Variants in CLEC7A observed in about 807,000 individuals in gnomAD.
CLEC7A encodes the protein C-type lectin domain family 7 member A.
A neutral mutation model predicts 26.9 loss-of-function variants in CLEC7A; 25 were observed. The observed-to-expected ratio is 0.93, with a 90% CI of 0.68 to 1.30. The LOEUF is 1.30. Among genes scored for constraint, CLEC7A ranks in the 50% most tolerant of loss-of-function variants. The pLI is 0.00. For synonymous variants in CLEC7A, 100 were observed against 99.5 expected (o/e 1.01, Z -0.03); for missense variants, 275 against 286.7 (o/e 0.96, Z 0.29).
rs1947966558 is a variant in CLEC7A, at chr12:10,118,168, G to A, written c.*290C>T. On this transcript the variant is annotated 3_prime_UTR_variant, in exon 6 of 6. Transcript: ENST00000304084. ...TGCACTCCAGCCTGGGTAACAAAGT[G>A]AGACCCTATCTCAAAAAAATAAATA... The A allele has an allele frequency of 3.4e-6, 1 of 293,890 alleles. No homozygotes were observed. Among genetic ancestry groups the A allele is most frequent in the Non-Finnish European group, 6.3e-6 (1 of 157,868 alleles). 18.2% of individuals were successfully genotyped at this position (293,890 alleles called of 1,614,324 possible). A position where few individuals can be genotyped will look rare whatever the true frequency, so the allele number is the denominator to read the frequency against.
At chr12:10,120,465 A>C (rs1049993711) in intron 5 of CLEC7A, among the ~76,000 whole-genome samples, 3 of 152,242 alleles carry the variant, frequency 2.0e-5, no homozygotes, top group African/African-American at 7.2e-5. Flanking sequence ...TCTTAAGAAA[A>C]AATACCTGTA....
chr12:10,120,824 G>A (rs1314533963), intron 5 of CLEC7A, among the ~76,000 whole-genome samples: 3 of 149,040 alleles, frequency 2.0e-5, no homozygotes, highest in Admixed American at 6.7e-5. Flanking sequence ...GTGCGATCTC[G>A]GCTCACTGCA....
intron 5 of CLEC7A, among the ~76,000 whole-genome samples, chr12:10,120,114 T>C (rs1477997247): frequency 1.3e-5 from 2 of 151,982 alleles, no homozygotes; most frequent in African/African-American, 4.8e-5. Context: ...CCGGAAGATA[T>C]GTGAAAGGTT....
rs1022721009 is a variant in CLEC7A, at chr12:10,117,227, T to C, written c.*1231A>G. 6.6e-6 allele frequency: 1 copy of C among 152,142 alleles called. No homozygotes were observed. The highest frequency in any genetic ancestry group is 1.5e-5 in the Non-Finnish European group (1 of 68,026). The allele number at this position is 152,142 out of a possible 1,614,324, so 9.4% of individuals were successfully genotyped here. On this transcript the variant is annotated 3_prime_UTR_variant, in exon 6 of 6. Transcript: ENST00000304084. ...CCTATGAGAGCAGTTTCCCTACAAT[T>C]ACATATTATACAAGATTCTAGGCTG... is the stretch of plus-strand genomic sequence containing the variant.
intron 2 of CLEC7A, 200 bp downstream of exon 2, chr12:10,127,547 T>A: frequency 8.3e-7 from 1 of 1,210,310 alleles, no homozygotes; most frequent in Non-Finnish European, 1.2e-6. Flanking sequence ...CTTATAACCC[T>A]GGAAAGGTAA....
chr12:10,129,711 A>G (rs1313625773), intron 1 of CLEC7A, among the ~76,000 whole-genome samples: 1 of 151,980 alleles, frequency 6.6e-6, no homozygotes, highest in African/African-American at 2.4e-5. Context: ...TCCACCTCCC[A>G]GGTTCAAGTG....
intron 2 of CLEC7A, chr12:10,127,415 C>G (rs957406005): frequency 9.9e-6 from 16 of 1,612,038 alleles, no homozygotes; most frequent in Admixed American, 1.7e-5. Flanking sequence ...ATTAATTTAT[C>G]CTTTGAATTC....
At chr12:10,127,212 C>G in intron 2 of CLEC7A, 1 of 1,200,852 alleles carries the variant, frequency 8.3e-7, no homozygotes, top group African/African-American at 1.5e-5. Context: ...TAATCCATTA[C>G]AAAATATCGA....
intron 2 of CLEC7A, chr12:10,127,372 G>A (rs1444494625): frequency 1.9e-6 from 3 of 1,605,418 alleles, no homozygotes; most frequent in South Asian, 2.2e-5. Flanking sequence ...GCACCATATT[G>A]TACTTTCTTC....
intron 5 of CLEC7A, among the ~76,000 whole-genome samples, chr12:10,120,840 C>T (rs1000246367): frequency 1.3e-5 from 2 of 150,276 alleles, no homozygotes; most frequent in Middle Eastern, 3.4e-3. Context: ...CTGCAACCTC[C>T]GTCTCCCGGG....
Position 10,126,628 on chromosome 12 carries a change from G to A in CLEC7A, c.283C>T (p.Pro95Ser), listed in dbSNP as rs201480066. Residue 95 changes from proline (P) to serine (S), a missense_variant, in exon 3 of 6, where the codon CCC becomes TCC. Transcript: ENST00000304084. The stretch of plus-strand genomic sequence containing the variant: ...CTGTCTTCTAAAGATGATTGTGTGG[G>A]TTGACTGTGGTTCTCTTTATTTCTT... The part of the protein sequence containing the change: ...LSRNKENHSQ[P>S]TQSSLEDSVT... 1.9e-6 allele frequency: 3 copies of A among 1,612,754 alleles called. No homozygotes were observed. Among genetic ancestry groups the A allele is most frequent in the Admixed American group, 1.7e-5 (1 of 59,748 alleles).
chr12:10,125,068 G>A, intron 4 of CLEC7A: 1 of 573,840 alleles, frequency 1.7e-6, no homozygotes, highest in Non-Finnish European at 3.1e-6. Flanking sequence ...GAGTGTGGTG[G>A]TGCACCCTGT....
In CLEC7A at chr12:10,125,420, A is replaced by T; in HGVS notation, c.369T>A (p.Asn123Lys). 1 of 1,612,982 alleles carries T rather than the reference A, an allele frequency of 6.2e-7. No homozygotes were observed. The highest frequency in any genetic ancestry group is 8.5e-7 in the Non-Finnish European group (1 of 1,179,812). Residue 123 changes from asparagine to lysine, a missense_variant, in exon 4 of 6, where the codon AAT (asparagine) becomes AAA (lysine). Coordinates refer to ENST00000304084, the MANE Select transcript of CLEC7A (RefSeq NM_197947.3). The stretch of plus-strand genomic sequence containing the variant: ...AACAGCTCTTCTCATATATAATCCA[A>T]TTAGGAGGACAAGGGCTGGAAAGAA... Reference protein sequence around the residue: ...TGVLSSPCPPNWIIYEKSCYL... With the variant: ...TGVLSSPCPPKWIIYEKSCYL...
chr12:10,119,062 C>A (rs1947997475), intron 5 of CLEC7A, among the ~76,000 whole-genome samples: 1 of 152,098 alleles, frequency 6.6e-6, no homozygotes. Flanking sequence ...GCAGGGCAAA[C>A]AACTCTGTAT....
chr12:10,121,164 G>C (rs1220308844), intron 5 of CLEC7A, among the ~76,000 whole-genome samples: 7 of 151,872 alleles, frequency 4.6e-5, no homozygotes, highest in Non-Finnish European at 1.0e-4. Context: ...AAAAATGTCA[G>C]TTAATGTTAG....
chr12:10,126,990 CAT>C (rs1166247272), intron 2 of CLEC7A: 1 of 1,334,932 alleles, frequency 7.5e-7, no homozygotes, highest in Non-Finnish European at 9.8e-7. Context: ...AGGCAAATGT[CAT>C]AGAGTCAATT....
intron 1 of CLEC7A, 42 bp from the exon 2 acceptor site, chr12:10,127,887 A>C: frequency 7.5e-7 from 1 of 1,326,954 alleles, no homozygotes; most frequent in Non-Finnish European, 1.0e-6. Flanking sequence ...AAGAAAGAGA[A>C]TGACGGATGG....
chr12:10,120,594 CT>C (rs747550159), intron 5 of CLEC7A, among the ~76,000 whole-genome samples: 297 of 141,134 alleles, frequency 2.1e-3, no homozygotes, highest in Middle Eastern at 3.7e-3. Flanking sequence ...ATTTTTATAT[CT>C]TTTTTTTTTT....
At position 10,117,747 on chromosome 12, in the gene CLEC7A, G is replaced by A. The variant is rs924206490; in HGVS notation, c.*711C>T. 5 of 152,056 alleles carry A rather than the reference G, an allele frequency of 3.3e-5. No individual in the cohort carries two copies. Among genetic ancestry groups the A allele is most frequent in the African/African-American group, 9.7e-5 (4 of 41,362 alleles). The allele number at this position is 152,056 out of a possible 1,614,324, so 9.4% of individuals were successfully genotyped here. A position where few individuals can be genotyped will look rare whatever the true frequency, so the allele number is the denominator to read the frequency against. ...TATTCAGAAATATATTTCACCCTCAGTTCATAACTGATATACTGCTAGAAG... is the reference window on the plus strand; with the variant it reads ...TATTCAGAAATATATTTCACCCTCAATTCATAACTGATATACTGCTAGAAG... On this transcript the variant is annotated 3_prime_UTR_variant, in exon 6 of 6. Transcript: ENST00000304084.
Sources: allele counts gnomAD v4.1 joint callset (sites outside exome capture counted in the v4.1 genomes callset), GRCh38; gene constraint gnomAD v4.1.1; transcripts MANE v1.5; gene names NCBI Gene and HGNC (gene_info 2026-07-23, HGNC 2026-07-21).